The following TMEM232 variants were observed in gnomAD, a reference collection of about 807,000 sequenced individuals.
TMEM232 encodes the protein transmembrane protein 232.
TMEM232 carries 80 observed loss-of-function variants against 78.8 expected under a neutral mutation model. The observed-to-expected ratio is 1.01, with a 90% CI of 0.85 to 1.22. TMEM232 has a LOEUF of 1.22. Among genes scored for constraint, TMEM232 ranks in the 50% most tolerant of loss-of-function variants. The pLI is 0.00. For synonymous variants in TMEM232, 297 were observed against 254.3 expected (o/e 1.17, Z -1.60); for missense variants, 881 against 742.2 (o/e 1.19, Z -2.17).
chr5:110,703,421 T>C (rs1056302856), intron 1 of TMEM232, among the ~76,000 whole-genome samples: 1 of 152,080 alleles, frequency 6.6e-6, no homozygotes, highest in African/African-American at 2.4e-5. Flanking sequence ...GGGAAACCCT[T>C]ACTAGCATAG....
intron 2 of TMEM232, among the ~76,000 whole-genome samples, chr5:110,652,172 TG>T (rs1788403417): frequency 6.6e-6 from 1 of 152,162 alleles, no homozygotes; most frequent in Non-Finnish European, 1.5e-5. Flanking sequence ...TCCCTAAGAA[TG>T]ATTTATAGTA....
At chr5:110,686,536 A>G (rs1356675613) in intron 1 of TMEM232, among the ~76,000 whole-genome samples, 2 of 152,032 alleles carry the variant, frequency 1.3e-5, no homozygotes, top group Non-Finnish European at 2.9e-5. Context: ...TATCCAGAGA[A>G]GACAGTCAAC....
intron 2 of TMEM232, among the ~76,000 whole-genome samples, chr5:110,663,767 G>C (rs1163752494): frequency 1.3e-5 from 2 of 151,156 alleles, no homozygotes; most frequent in African/African-American, 2.4e-5. Context: ...GTGTGTGTGT[G>C]TGTGTGTATA....
chr5:110,440,377 A>G (rs1374093047), intron 12 of TMEM232, among the ~76,000 whole-genome samples: 1 of 152,034 alleles, frequency 6.6e-6, no homozygotes, highest in Non-Finnish European at 1.5e-5. Flanking sequence ...GTACGCCACT[A>G]TGTTCTTTTT....
intron 11 of TMEM232, among the ~76,000 whole-genome samples, chr5:110,563,288 A>G (rs1414105581): frequency 1.3e-5 from 2 of 151,910 alleles, no homozygotes; most frequent in East Asian, 3.9e-4. Flanking sequence ...TGATTGACTT[A>G]TGAATTTCAA....
chr5:110,390,901 A>G (rs2075399), intron 3 of TMEM232, among the ~76,000 whole-genome samples: 42,554 of 152,126 alleles, frequency 0.28, 10,573 homozygotes, highest in African/African-American at 0.66. Flanking sequence ...TATCATTTGC[A>G]TGTTAACAAG....
intron 12 of TMEM232, among the ~76,000 whole-genome samples, chr5:110,446,738 A>G (rs763418964): frequency 6.6e-6 from 1 of 152,200 alleles, no homozygotes; most frequent in Non-Finnish European, 1.5e-5. Context: ...TGTGAGGTAC[A>G]TTAGAAATTA....
chr5:110,528,895 C>A, intron 11 of TMEM232, 60 bp from the exon 12 acceptor site: 1 of 1,223,898 alleles, frequency 8.2e-7, no homozygotes, highest in Non-Finnish European at 1.0e-6. Flanking sequence ...GAAAAAAAAT[C>A]GTGTATTATT....
chr5:110,541,436 G>A (rs958369072), intron 11 of TMEM232, among the ~76,000 whole-genome samples: 4 of 152,162 alleles, frequency 2.6e-5, no homozygotes, highest in Non-Finnish European at 5.9e-5. Flanking sequence ...ACAGAACAGA[G>A]AAGGTAATGA....
At chr5:110,431,377 T>C (rs1757825419) in intron 12 of TMEM232, among the ~76,000 whole-genome samples, 1 of 148,606 alleles carries the variant, frequency 6.7e-6, no homozygotes, top group African/African-American at 2.5e-5. Flanking sequence ...CACATGTAGA[T>C]TTAACTTAAA....
At chr5:110,507,992 T>C (rs529194306) in intron 12 of TMEM232, among the ~76,000 whole-genome samples, 261 of 152,328 alleles carry the variant, frequency 1.7e-3, no homozygotes, top group African/African-American at 5.8e-3. Context: ...GTGGTTGACT[T>C]GTCAGCCAAC....
intron 12 of TMEM232, among the ~76,000 whole-genome samples, chr5:110,525,769 T>C (rs1044162945): frequency 5.3e-5 from 8 of 151,120 alleles, no homozygotes; most frequent in African/African-American, 1.5e-4. Flanking sequence ...CCCAATTACA[T>C]AAATATATAA....
At chr5:110,667,535 G>A (rs535057849) in intron 1 of TMEM232, among the ~76,000 whole-genome samples, 171 bp from the exon 2 acceptor site, 66 of 152,174 alleles carry the variant, frequency 4.3e-4, no homozygotes, top group Non-Finnish European at 7.9e-4. Context: ...TAAGGATATG[G>A]AAATAAGTAC....
chr5:110,463,256 G>GA (rs1176207599), intron 12 of TMEM232, among the ~76,000 whole-genome samples: 1 of 152,148 alleles, frequency 6.6e-6, no homozygotes, highest in Non-Finnish European at 1.5e-5. Context: ...CCAGCAAAAA[G>GA]AAAGACGGTG....
At chr5:110,524,363 AAAAGAAAGAAAGAAAGAAAGAAAG>A (rs756039290) in intron 12 of TMEM232, among the ~76,000 whole-genome samples, 2,056 of 120,322 alleles carry the variant, frequency 0.017, 67 homozygotes, top group African/African-American at 0.063. Flanking sequence ...AAGAAAGAAA[AAAAGAAAGAAAGAAAGAAAGAAAG>A]AAAGAAAGAA....
chr5:110,697,506 C>G (rs952412397), intron 1 of TMEM232, among the ~76,000 whole-genome samples: 8 of 152,134 alleles, frequency 5.3e-5, no homozygotes, highest in African/African-American at 1.9e-4. Context: ...TCAGAGTGAA[C>G]AGGCAACCTA....
intron 1 of TMEM232, among the ~76,000 whole-genome samples, chr5:110,726,137 CACAG>C (rs1798130610): frequency 6.7e-6 from 1 of 149,048 alleles, no homozygotes; most frequent in South Asian, 2.2e-4. Context: ...CACACACACA[CACAG>C]AGCGCCAAAT....
chr5:110,687,203 A>C, intron 1 of TMEM232, among the ~76,000 whole-genome samples: 1 of 152,270 alleles, frequency 6.6e-6, no homozygotes, highest in South Asian at 2.1e-4. Context: ...TTGTGGCACA[A>C]GAACCAGGTA....
intron 10 of TMEM232, among the ~76,000 whole-genome samples, chr5:110,578,369 T>G (rs1400758642): frequency 6.6e-6 from 1 of 151,962 alleles, no homozygotes; most frequent in Non-Finnish European, 1.5e-5. Flanking sequence ...AATATGAATA[T>G]TTTACCTTTA....
Sources: gnomAD v4.1 joint callset for allele counts (sites outside exome capture counted in the v4.1 genomes callset) on GRCh38, gnomAD v4.1.1 for gene constraint, MANE v1.5 for transcripts, NCBI Gene and HGNC (gene_info 2026-07-23, HGNC 2026-07-21) for gene names.